ENOX1: variants seen among roughly 807,000 people sequenced by gnomAD.
ENOX1 encodes the protein candidate growth-related and time keeping constitutive hydroquinone (NADH) oxidase.
In ENOX1, 42 loss-of-function variants were observed where a neutral mutation model predicts 82.5. The ratio of observed to expected loss-of-function variants is 0.51; its 90% confidence interval spans 0.40 to 0.66. ENOX1 has a LOEUF of 0.66. Ranked by LOEUF, ENOX1 falls within the 30% of genes least tolerant of loss-of-function variation. The pLI is 0.00. For synonymous variants in ENOX1, 271 were observed against 282.2 expected, an observed-to-expected ratio of 0.96 and a Z score of 0.40; for missense variants, 608 against 811.6, an observed-to-expected ratio of 0.75 and a Z score of 3.05.
At chr13:43,334,514 T>C (rs1387528244) in intron 9 of ENOX1, among the ~76,000 whole-genome samples, 1 of 152,084 alleles carries the variant, frequency 6.6e-6, no homozygotes, top group Non-Finnish European at 1.5e-5. Flanking sequence ...AATCGCAAGA[T>C]GAGAATTGCT....
At chr13:43,638,218 T>C (rs1416639921) in intron 2 of ENOX1, among the ~76,000 whole-genome samples, 3 of 152,136 alleles carry the variant, frequency 2.0e-5, no homozygotes, top group African/African-American at 7.2e-5. Flanking sequence ...AGGAATTAAT[T>C]TCAAATCTAT....
intron 2 of ENOX1, among the ~76,000 whole-genome samples, chr13:43,517,570 T>A (rs2077602604): frequency 1.3e-5 from 2 of 152,086 alleles, no homozygotes; most frequent in East Asian, 3.9e-4. Flanking sequence ...GAAAGCCATA[T>A]CTCATGGAAT....
intron 2 of ENOX1, among the ~76,000 whole-genome samples, chr13:43,508,680 G>T (rs2077262235): frequency 6.6e-6 from 1 of 151,902 alleles, no homozygotes; most frequent in Non-Finnish European, 1.5e-5. Context: ...GTATCACAGT[G>T]ATTAAGTCAA....
chr13:43,375,190 T>C (rs1217047996), intron 5 of ENOX1, among the ~76,000 whole-genome samples: 2 of 151,980 alleles, frequency 1.3e-5, no homozygotes, highest in African/African-American at 2.4e-5. Flanking sequence ...ATATTCAGTG[T>C]ATTACTGTGT....
intron 2 of ENOX1, among the ~76,000 whole-genome samples, chr13:43,500,230 T>C (rs1183624839): frequency 6.6e-6 from 1 of 152,078 alleles, no homozygotes. Context: ...AAGACGGAAA[T>C]GGACATTCAA....
At chr13:43,429,198 A>T (rs2055513255) in intron 3 of ENOX1, among the ~76,000 whole-genome samples, 1 of 152,164 alleles carries the variant, frequency 6.6e-6, no homozygotes, top group Non-Finnish European at 1.5e-5. Flanking sequence ...GAGTCATTGG[A>T]GAGGCTAACG....
intron 2 of ENOX1, among the ~76,000 whole-genome samples, chr13:43,596,237 G>A (rs576119783): frequency 6.6e-6 from 1 of 152,324 alleles, no homozygotes; most frequent in Non-Finnish European, 1.5e-5. Context: ...GATCTATCGG[G>A]AGCTTTTCAC....
intron 1 of ENOX1, among the ~76,000 whole-genome samples, chr13:43,684,993 A>T (rs896606893): frequency 3.9e-5 from 6 of 152,208 alleles, no homozygotes; most frequent in Non-Finnish European, 8.8e-5. Context: ...TAGAACTGCT[A>T]GTTTTTAGAA....
chr13:43,755,535 T>TA (rs1335326157), intron 1 of ENOX1, among the ~76,000 whole-genome samples: 2 of 152,138 alleles, frequency 1.3e-5, no homozygotes, highest in East Asian at 3.9e-4. Context: ...TTCTTTCCTA[T>TA]AAAAAATCTT....
chr13:43,416,863 T>C (rs1948808081), intron 3 of ENOX1, among the ~76,000 whole-genome samples: 1 of 152,130 alleles, frequency 6.6e-6, no homozygotes, highest in Non-Finnish European at 1.5e-5. Flanking sequence ...GGCAGGCCGC[T>C]GGGAGGTGGA....
intron 5 of ENOX1, among the ~76,000 whole-genome samples, chr13:43,363,102 A>G (rs1245681652): frequency 6.6e-6 from 1 of 152,186 alleles, no homozygotes; most frequent in Non-Finnish European, 1.5e-5. Flanking sequence ...CCAGGATTCC[A>G]TGCTGATGTT....
intron 2 of ENOX1, among the ~76,000 whole-genome samples, chr13:43,494,650 G>A (rs1480253277): frequency 2.0e-5 from 3 of 152,144 alleles, no homozygotes; most frequent in Non-Finnish European, 2.9e-5. Flanking sequence ...CACACAGAGT[G>A]GAGTTTTATG....
chr13:43,564,694 G>A (rs936672095), intron 2 of ENOX1, among the ~76,000 whole-genome samples: 3 of 152,020 alleles, frequency 2.0e-5, no homozygotes, highest in African/African-American at 7.2e-5. Flanking sequence ...CTTATTCTTT[G>A]CTCTCAATTA....
intron 1 of ENOX1, among the ~76,000 whole-genome samples, chr13:43,764,215 A>T (rs1951142187): frequency 6.6e-6 from 1 of 152,206 alleles, no homozygotes; most frequent in Admixed American, 6.5e-5. Context: ...GGCAAAGTCT[A>T]CCTTGTCTTA....
intron 3 of ENOX1, among the ~76,000 whole-genome samples, chr13:43,434,656 G>A (rs754593484): frequency 2.6e-5 from 4 of 152,070 alleles, no homozygotes; most frequent in Non-Finnish European, 4.4e-5. Context: ...TGTTTCTGTG[G>A]ATTTAAAAAA....
At chr13:43,475,874 G>C (rs1455266515) in intron 3 of ENOX1, among the ~76,000 whole-genome samples, 10 of 146,830 alleles carry the variant, frequency 6.8e-5, no homozygotes, top group Admixed American at 6.8e-4. Context: ...TAAACTCTAA[G>C]ATATACAGCT....
At chr13:43,649,762 A>G (rs9525816) in intron 2 of ENOX1, among the ~76,000 whole-genome samples, 38,115 of 150,756 alleles carry the variant, frequency 0.25, 5,204 homozygotes, top group Non-Finnish European at 0.33. Flanking sequence ...TTTGTAAACT[A>G]TAGAACACAA....
chr13:43,574,982 G>A (rs1244334222), intron 2 of ENOX1, among the ~76,000 whole-genome samples: 1 of 152,136 alleles, frequency 6.6e-6, no homozygotes, highest in Admixed American at 6.5e-5. Context: ...CTGGGGAGAT[G>A]GCATGACAAA....
chr13:43,389,920 C>G (rs920113414), intron 5 of ENOX1, among the ~76,000 whole-genome samples: 5 of 152,120 alleles, frequency 3.3e-5, no homozygotes, highest in Admixed American at 1.3e-4. Flanking sequence ...CTACACTTGA[C>G]AGAGGGGGAG....
Sources: gnomAD v4.1 joint callset for allele counts (sites outside exome capture counted in the v4.1 genomes callset) on GRCh38, gnomAD v4.1.1 for gene constraint, MANE v1.5 for transcripts, NCBI Gene and HGNC (gene_info 2026-07-23, HGNC 2026-07-21) for gene names.